PLPP2: variants seen among roughly 807,000 people sequenced by gnomAD.
PLPP2 encodes phospholipid phosphatase 2.
PLPP2 carries 29 observed loss-of-function variants against 35.2 expected under a neutral mutation model. The ratio of observed to expected loss-of-function variants is 0.82; its 90% confidence interval spans 0.61 to 1.12. The LOEUF (loss-of-function observed/expected upper bound fraction) is 1.12. Ranked by LOEUF, PLPP2 falls within the 50% of genes most tolerant of loss-of-function variation. The pLI, the probability that PLPP2 is intolerant of heterozygous loss-of-function variation, is 0.00. For missense variants in PLPP2, 353 were observed against 375.2 expected (o/e 0.94, Z 0.49); for synonymous variants, 162 against 167.0 (o/e 0.97, Z 0.23).
At position 291,057 on chromosome 19, in the gene PLPP2, C is replaced by A. The variant is rs1970380563; in HGVS notation, c.52+228G>T. The A allele has an allele frequency of 1.5e-6, 2 of 1,293,830 alleles. No individual in the cohort carries two copies. The highest frequency in any genetic ancestry group is 2.0e-6 in the Non-Finnish European group (2 of 1,023,370). The allele number at this position is 1,293,830 out of a possible 1,614,324, so 80.1% of individuals were successfully genotyped here. On this transcript the variant is annotated intron_variant, in intron 1 of 5. Coordinates refer to ENST00000434325, the MANE Select transcript of PLPP2 (RefSeq NM_003712.4). Reference sequence around the variant, plus strand: ...TGGCCCCGGCTCCCCGGGCCTCTCGCGACCCCCATCCCCCTGGGCCTGGGA... The same window carrying A: ...TGGCCCCGGCTCCCCGGGCCTCTCGAGACCCCCATCCCCCTGGGCCTGGGA...
chr19:281,693 C>T (rs1970176715), intron 5 of PLPP2, among the ~76,000 whole-genome samples, 156 bp from the exon 6 acceptor site: 1 of 150,816 alleles, frequency 6.6e-6, no homozygotes, highest in Non-Finnish European at 1.5e-5. Context: ...AGAGAGCGCT[C>T]TTAGTGGAGG....
intron 5 of PLPP2, 159 bp downstream of exon 5, chr19:281,975 G>A (rs1436906388): frequency 6.4e-6 from 5 of 783,216 alleles, no homozygotes; most frequent in Non-Finnish European, 1.0e-5. Context: ...TGGGGTAAAG[G>A]GAAGGACTGG....
At chr19:288,258 C>A in intron 1 of PLPP2, 87 bp from the exon 2 acceptor site, 1 of 1,360,724 alleles carries the variant, frequency 7.3e-7, no homozygotes, top group Non-Finnish European at 1.0e-6. Flanking sequence ...GCCTGGAGGC[C>A]TCCCACCTCT....
At chr19:291,243 C>G (rs759616136) in intron 1 of PLPP2, 42 bp downstream of exon 1, 1 of 1,598,196 alleles carries the variant, frequency 6.3e-7, no homozygotes, top group Non-Finnish European at 8.5e-7. Flanking sequence ...CGTGTCCGTC[C>G]CGGGAGGGTC....
At chr19:284,586 C>G (rs1167948101) in intron 3 of PLPP2, 2 of 151,944 alleles carry the variant, frequency 1.3e-5, no homozygotes, top group South Asian at 2.1e-4. Context: ...TAGACAAACA[C>G]TTTTAGTTAG....
At chr19:288,609 A>C (rs1970319731) in intron 1 of PLPP2, 1 of 154,288 alleles carries the variant, frequency 6.5e-6, no homozygotes. Flanking sequence ...AAGTATCTCT[A>C]ATTTATGTGC....
intron 1 of PLPP2, among the ~76,000 whole-genome samples, chr19:290,249 C>A (rs1970359308): frequency 1.3e-5 from 2 of 152,224 alleles, no homozygotes; most frequent in African/African-American, 4.8e-5. Flanking sequence ...CCTCCCGCTG[C>A]TGTGTGACCT....
rs766763006 is a variant in PLPP2 at position 287,727 on chromosome 19, C to A, written c.229G>T (p.Val77Leu). Residue 77 changes from valine (V) to leucine (L), a missense_variant, in exon 3 of 6, where the codon GTG becomes TTG. Transcript: ENST00000434325. This position sits in a 1 kb window ranked among gnomAD's most constrained non-coding sequence, Gnocchi z 4.3. ...CGAGAATAGAGCCGGTCTGTGTACA[C>A]CAGGTAGGCTTCCCCGGCCGAGACC... ...ILVSAGEAYL[V>L]YTDRLYSRSD... is the part of the protein sequence containing the mutation. 6.2e-7 allele frequency: 1 copy of A among 1,613,742 alleles called. No homozygotes were observed. The highest frequency in any genetic ancestry group is 8.5e-7 in the Non-Finnish European group (1 of 1,179,970).
At chr19:289,695 C>CT (rs1970346267) in intron 1 of PLPP2, among the ~76,000 whole-genome samples, 1 of 151,824 alleles carries the variant, frequency 6.6e-6, no homozygotes, top group African/African-American at 2.4e-5. Context: ...GGGCGAGACT[C>CT]TGTCTCAAGA....
chr19:281,953 T>C, intron 5 of PLPP2, 181 bp downstream of exon 5: 1 of 451,068 alleles, frequency 2.2e-6, no homozygotes, highest in South Asian at 2.1e-5. Context: ...AGGGGAGGAC[T>C]GGGGGGAAGG....
At chr19:291,090 A>G in intron 1 of PLPP2, 195 bp downstream of exon 1, 1 of 1,329,416 alleles carries the variant, frequency 7.5e-7, no homozygotes. Context: ...GGACGCGGGG[A>G]CCCCCGAGCC....
At position 281,278 on chromosome 19, in the gene PLPP2, G is replaced by T. The variant is rs1030347887; in HGVS notation, c.*110C>A. The T allele has an allele frequency of 6.3e-6, 7 of 1,107,310 alleles. No homozygotes were observed. In the African/African-American group the frequency reaches 8.0e-5, roughly 13 times the overall value. The allele number at this position is 1,107,310 out of a possible 1,614,324, so 68.6% of individuals were successfully genotyped here. A position where few individuals can be genotyped will look rare whatever the true frequency, so the allele number is the denominator to read the frequency against. ...CCGCTCACTGCTCCCATCAGCCCAGGGTTCCTGGAGCCCGTCCAGAGCCCT... is the reference window on the plus strand; with the variant it reads ...CCGCTCACTGCTCCCATCAGCCCAGTGTTCCTGGAGCCCGTCCAGAGCCCT... On this transcript the variant is annotated 3_prime_UTR_variant, in exon 6 of 6. Transcript: ENST00000434325.
At chr19:284,455 T>C (rs1022018355) in intron 3 of PLPP2, 23 of 152,096 alleles carry the variant, frequency 1.5e-4, no homozygotes, top group African/African-American at 5.6e-4. Context: ...CACCCAGATG[T>C]TGGACTTACT....
At position 282,187 on chromosome 19, in the gene PLPP2, A is replaced by G. The variant is rs1001186568; in HGVS notation, c.664T>C (p.Trp222Arg). The G allele has an allele frequency of 3.7e-6, 6 of 1,613,864 alleles. No individual in the cohort carries two copies. The Admixed American group carries it at 6.7e-5, about 18-fold the overall frequency. The change falls in exon 5 of 6, where the codon TGG becomes CGG. Residue 222 changes from tryptophan (W) to arginine (R), a missense_variant. Physicochemically the swap from Trp to Arg is moderately radical, Grantham distance 101 (BLOSUM62 -3). Coordinates refer to ENST00000434325, the MANE Select transcript of PLPP2 (RefSeq NM_003712.4). ...YTRVSDYKHH[W>R]SDVLVGLLQG... ...AGGAGGCCAACAAGGACATCGCTCCAGTGGTGTTTGTAATCAGACACGCGG... is the reference window on the plus strand; with the variant it reads ...AGGAGGCCAACAAGGACATCGCTCCGGTGGTGTTTGTAATCAGACACGCGG...
At chr19:282,952 C>T in intron 3 of PLPP2, 143 bp from the exon 4 acceptor site, 2 of 696,134 alleles carry the variant, frequency 2.9e-6, no homozygotes, top group South Asian at 3.6e-5. Flanking sequence ...AACTGTTCCC[C>T]TTTTCTGTTC....
At position 281,346 on chromosome 19, in the gene PLPP2, A is replaced by T; in HGVS notation, c.*42T>A. The T allele has an allele frequency of 7.3e-7, 1 of 1,364,084 alleles. No individual in the cohort carries two copies. The highest frequency in any genetic ancestry group is 9.5e-7 in the Non-Finnish European group (1 of 1,050,914). 84.5% of individuals were successfully genotyped at this position (1,364,084 alleles called of 1,614,324 possible). On this transcript the variant is annotated 3_prime_UTR_variant, in exon 6 of 6. Transcript: ENST00000434325. ...TGGAGGGACCACCTGGGTGGGCCTC[A>T]GCTGGACTCACAGCAGCTCCCTGCC...
chr19:282,965 G>A, intron 3 of PLPP2, 156 bp from the exon 4 acceptor site: 1 of 662,192 alleles, frequency 1.5e-6, no homozygotes, highest in East Asian at 2.7e-5. Context: ...TTCTGTTCCA[G>A]TCATCTGATA....
At chr19:285,140 T>C (rs1436801283) in intron 3 of PLPP2, 1 of 141,368 alleles carries the variant, frequency 7.1e-6, no homozygotes, top group East Asian at 2.2e-4. Flanking sequence ...AATAGGTCAA[T>C]TAAGATTATT....
intron 1 of PLPP2, 196 bp from the exon 2 acceptor site, chr19:288,367 C>T (rs12976715): frequency 0.45 from 206,346 of 461,474 alleles, 48,533 homozygotes; most frequent in Middle Eastern, 0.49. Flanking sequence ...GCGCTCTGCC[C>T]CTCACATCCT....
Sources: gnomAD v4.1 joint callset for allele counts (sites outside exome capture counted in the v4.1 genomes callset) on GRCh38, gnomAD v4.1.1 for gene constraint, Gnocchi (gnomAD v3.1) non-coding constraint, MANE v1.5 for transcripts, NCBI Gene and HGNC (gene_info 2026-07-23, HGNC 2026-07-21) for gene names.